EGFR: variants seen among roughly 807,000 people sequenced by gnomAD.
EGFR encodes the protein avian erythroblastic leukemia viral (v-erb-b) oncogene homolog.
In EGFR, 58 loss-of-function variants were observed where a neutral mutation model predicts 143.0. That is an observed-to-expected ratio of 0.41 (90% CI 0.33 to 0.50). EGFR has a LOEUF of 0.50. Among genes scored for constraint, EGFR ranks in the 20% least tolerant of loss-of-function variants. The pLI is 0.39. For synonymous variants in EGFR, 613 were observed against 594.4 expected (o/e 1.03, Z -0.45); for missense variants, 1,307 against 1,579.0 (o/e 0.83, Z 2.92).
intron 1 of EGFR, among the ~76,000 whole-genome samples, chr7:55,069,980 T>C (rs1364513396): frequency 3.9e-5 from 6 of 152,242 alleles, no homozygotes; most frequent in African/African-American, 1.4e-4. Context: ...ATACATCATG[T>C]ACAAAACTGA....
chr7:55,037,521 C>T (rs948698903), intron 1 of EGFR, among the ~76,000 whole-genome samples: 1 of 152,198 alleles, frequency 6.6e-6, no homozygotes, highest in East Asian at 1.9e-4. Context: ...CTTCCGCACG[C>T]GGTGTCTCAT....
At chr7:55,177,727 A>G (rs1786658305) in intron 19 of EGFR, among the ~76,000 whole-genome samples, 1 of 152,218 alleles carries the variant, frequency 6.6e-6, no homozygotes, top group Non-Finnish European at 1.5e-5. Context: ...AGCCTCAGGG[A>G]CACTCCTGCG....
At chr7:55,133,540 C>T (rs1005360826) in intron 1 of EGFR, among the ~76,000 whole-genome samples, 1 of 152,244 alleles carries the variant, frequency 6.6e-6, no homozygotes, top group Non-Finnish European at 1.5e-5. Context: ...TCTTTGATGC[C>T]AACCCCATTT....
chr7:55,186,328 C>T (rs944298745), intron 20 of EGFR, among the ~76,000 whole-genome samples: 3 of 152,234 alleles, frequency 2.0e-5, no homozygotes, highest in Non-Finnish European at 4.4e-5. Context: ...GGGCTCCGGC[C>T]TTCGTCATCC....
chr7:55,061,184 G>A (rs938362449), intron 1 of EGFR, among the ~76,000 whole-genome samples: 2 of 152,194 alleles, frequency 1.3e-5, no homozygotes, highest in South Asian at 2.1e-4. Flanking sequence ...TGGCCACTTA[G>A]TAATAGACGT....
chr7:55,024,683 G>A (rs1263183601), intron 1 of EGFR, among the ~76,000 whole-genome samples: 3 of 152,218 alleles, frequency 2.0e-5, no homozygotes, highest in Non-Finnish European at 1.5e-5. Flanking sequence ...TACAACTTAG[G>A]CTTTTTTTTC....
rs2128954540 is a variant in EGFR at position 55,174,708 on chromosome 7, T to C, written c.2185-14T>C. The C allele has an allele frequency of 2.5e-6, 4 of 1,608,068 alleles. No homozygotes were observed. Among genetic ancestry groups the C allele is most frequent in the Non-Finnish European group, 3.4e-6 (4 of 1,174,628 alleles). ...CAATTGCCAGTTAACGTCTTCCTTCTCTCTCTGTCATAGGGACTCTGGATC... is the reference window on the plus strand; with the variant it reads ...CAATTGCCAGTTAACGTCTTCCTTCCCTCTCTGTCATAGGGACTCTGGATC... On this transcript the variant is annotated splice_polypyrimidine_tract_variant and intron_variant, in intron 18 of 27. Coordinates refer to ENST00000275493, the MANE Select transcript of EGFR (RefSeq NM_005228.5).
intron 20 of EGFR, among the ~76,000 whole-genome samples, chr7:55,183,235 G>C (rs1016422911): frequency 1.3e-5 from 2 of 152,062 alleles, no homozygotes; most frequent in South Asian, 2.1e-4. Flanking sequence ...AAATTGCTAA[G>C]AGAGTCTGTT....
chr7:55,052,046 T>C (rs1200653962), intron 1 of EGFR, among the ~76,000 whole-genome samples: 1 of 152,216 alleles, frequency 6.6e-6, no homozygotes, highest in Non-Finnish European at 1.5e-5. Flanking sequence ...AGCAGTTTGA[T>C]TGAAAAAATC....
intron 3 of EGFR, among the ~76,000 whole-genome samples, chr7:55,146,305 C>T (rs1351380535): frequency 1.3e-5 from 2 of 152,174 alleles, no homozygotes; most frequent in Admixed American, 1.3e-4. Flanking sequence ...CCCAGCTTAC[C>T]ACATGCATAT....
chr7:55,022,076 G>A (rs899456122), intron 1 of EGFR, among the ~76,000 whole-genome samples: 2 of 152,146 alleles, frequency 1.3e-5, no homozygotes, highest in African/African-American at 4.8e-5. Context: ...AAGCTTCAAC[G>A]CGGGCTGTCC....
At chr7:55,200,728 G>A (rs1787810302) in intron 24 of EGFR, 1 of 506,972 alleles carries the variant, frequency 2.0e-6, no homozygotes. Context: ...TTTGGTGTCA[G>A]GCAGACGTGG....
chr7:55,182,804 A>G (rs912584306), intron 20 of EGFR, among the ~76,000 whole-genome samples: 1 of 152,236 alleles, frequency 6.6e-6, no homozygotes, highest in Admixed American at 6.5e-5. Context: ...TCTCATGGTC[A>G]TAACCCGGGC....
chr7:55,115,388 C>T (rs1451851216), intron 1 of EGFR, among the ~76,000 whole-genome samples: 1 of 152,196 alleles, frequency 6.6e-6, no homozygotes, highest in Non-Finnish European at 1.5e-5. Flanking sequence ...ACGCCAAGCA[C>T]ATTGCCTACA....
At chr7:55,038,397 T>G (rs1265075856) in intron 1 of EGFR, among the ~76,000 whole-genome samples, 1 of 152,170 alleles carries the variant, frequency 6.6e-6, no homozygotes, top group Non-Finnish European at 1.5e-5. Flanking sequence ...AGACAGAAGA[T>G]GTGGACTAGT....
At chr7:55,105,856 A>T (rs1261127302) in intron 1 of EGFR, among the ~76,000 whole-genome samples, 1 of 152,250 alleles carries the variant, frequency 6.6e-6, no homozygotes, top group East Asian at 1.9e-4. Flanking sequence ...GGTAGATAAG[A>T]CATAATTTAA....
chr7:55,060,649 T>G (rs1286520732), intron 1 of EGFR, among the ~76,000 whole-genome samples: 1 of 152,316 alleles, frequency 6.6e-6, no homozygotes, highest in Non-Finnish European at 1.5e-5. Flanking sequence ...CTTTTCATCT[T>G]GTGTTTTGGG....
chr7:55,074,271 G>A (rs1790009465), intron 1 of EGFR, among the ~76,000 whole-genome samples: 1 of 152,230 alleles, frequency 6.6e-6, no homozygotes, highest in African/African-American at 2.4e-5. Flanking sequence ...AGGTCCAGGA[G>A]GAAATTCGGA....
At chr7:55,055,782 T>C (rs938866135) in intron 1 of EGFR, among the ~76,000 whole-genome samples, 1 of 151,832 alleles carries the variant, frequency 6.6e-6, no homozygotes, top group Non-Finnish European at 1.5e-5. Context: ...GGACTTCATC[T>C]TGAACTCCTT....
Sources: allele counts gnomAD v4.1 joint callset (sites outside exome capture counted in the v4.1 genomes callset), GRCh38; gene constraint gnomAD v4.1.1; transcripts MANE v1.5; gene names NCBI Gene and HGNC (gene_info 2026-07-23, HGNC 2026-07-21).